MAEL: variants seen among roughly 807,000 people sequenced by gnomAD.
MAEL encodes the protein maelstrom spermatogenic transposon silencer.
In MAEL, 46 loss-of-function variants were observed where a neutral mutation model predicts 62.0. The observed-to-expected ratio is 0.74, with a 90% CI of 0.59 to 0.95. The LOEUF is 0.95. MAEL is among the 40% of genes least tolerant of loss of function. The probability of loss-of-function intolerance (pLI) is 0.00; values close to 1 mark genes in which losing one functional copy is unlikely to be tolerated. For missense variants in MAEL, 497 were observed against 526.8 expected, an observed-to-expected ratio of 0.94 and a Z score of 0.55; for synonymous variants, 172 against 175.5, an observed-to-expected ratio of 0.98 and a Z score of 0.16.
chr1:167,011,664 T>C lies in MAEL; in HGVS notation c.846-4558T>C, dbSNP rs76613135. On this transcript the variant is annotated intron_variant, in intron 8 of 11. Transcript: ENST00000367872. The stretch of plus-strand genomic sequence containing the variant: ...GAAAGTTTTCAGGGACAAACTAATA[T>C]GTCCTCAAATAATCTTTAAATGGTT... 4.2e-3 allele frequency among the ~76,000 whole-genome samples: 637 copies of C among 152,292 alleles called. 7 individuals are homozygous for C. The highest frequency in any genetic ancestry group is 0.015 in the African/African-American group (614 of 41,566).
chr1:167,000,698 T>A (rs1026891581), intron 5 of MAEL, among the ~76,000 whole-genome samples: 3 of 152,212 alleles, frequency 2.0e-5, no homozygotes, highest in Admixed American at 2.0e-4. Context: ...AACTTCATTG[T>A]TTGATTTTAA....
At chr1:166,994,666 ATT>A (rs35009494) in intron 5 of MAEL, among the ~76,000 whole-genome samples, 4 of 119,600 alleles carry the variant, frequency 3.3e-5, no homozygotes, top group Admixed American at 8.6e-5. Flanking sequence ...CTGTAAGGTA[ATT>A]TTTTTTTTTT....
At chr1:166,977,173 C>G (rs912545424) in intron 1 of MAEL, among the ~76,000 whole-genome samples, 13 of 152,226 alleles carry the variant, frequency 8.5e-5, no homozygotes, top group Non-Finnish European at 1.6e-4. Flanking sequence ...AGCCTCTCTT[C>G]TACACTTGGC....
chr1:167,021,169 C>T lies in MAEL; in HGVS notation c.1117+9C>T, dbSNP rs202019019. 8.6e-5 allele frequency: 137 copies of T among 1,601,170 alleles called. No homozygotes were observed. In the African/African-American group the frequency reaches 1.5e-3, roughly 17 times the overall value. ...ATCAAACACACCCATTGGTAAGCAA[C>T]TTATATTTTACAAAAATGCACCTAA... On this transcript the variant is annotated intron_variant, in intron 11 of 11. Transcript: ENST00000367872.
intron 6 of MAEL, 136 bp from the exon 7 acceptor site, chr1:167,004,940 A>T (rs186840934): frequency 1.4e-6 from 1 of 694,184 alleles, no homozygotes; most frequent in East Asian, 2.7e-5. Context: ...TCATTGGCAC[A>T]AACTCCTCAG....
At chr1:166,991,893 G>A (rs115651096) in intron 3 of MAEL, among the ~76,000 whole-genome samples, 2,647 of 152,246 alleles carry the variant, frequency 0.017, 77 homozygotes, top group African/African-American at 0.06. Flanking sequence ...CAAAAAGTGA[G>A]GTGATGGATA....
At chr1:167,004,088 C>A in intron 5 of MAEL, 92 bp from the exon 6 acceptor site, 2 of 1,091,358 alleles carry the variant, frequency 1.8e-6, no homozygotes, top group Non-Finnish European at 2.7e-6. Context: ...TGTGTGTTAC[C>A]CACTACTCTC....
intron 8 of MAEL, among the ~76,000 whole-genome samples, chr1:167,012,732 G>A (rs911047944): frequency 1.3e-5 from 2 of 152,192 alleles, no homozygotes; most frequent in African/African-American, 4.8e-5. Flanking sequence ...CGAAGTGGGA[G>A]AAAGATGCAG....
chr1:166,998,570 T>TA (rs1664526160), intron 5 of MAEL, among the ~76,000 whole-genome samples: 2 of 152,232 alleles, frequency 1.3e-5, no homozygotes, highest in African/African-American at 4.8e-5. Flanking sequence ...TGCTGACCAG[T>TA]ACCTCTAGTT....
chr1:166,976,200 C>T (rs755827828), intron 1 of MAEL, among the ~76,000 whole-genome samples: 4 of 152,208 alleles, frequency 2.6e-5, no homozygotes, highest in Non-Finnish European at 4.4e-5. Context: ...CCATCCAACA[C>T]TTTATAGATT....
chr1:166,987,444 C>T (rs1435331832), upstream of MAEL, among the ~76,000 whole-genome samples: 1 of 152,086 alleles, frequency 6.6e-6, no homozygotes, highest in Non-Finnish European at 1.5e-5. Flanking sequence ...TTGGGTTGTC[C>T]AGCTTGGAGC....
At chr1:166,995,682 A>AT (rs796921725) in intron 5 of MAEL, among the ~76,000 whole-genome samples, 45 of 151,684 alleles carry the variant, frequency 3.0e-4, no homozygotes, top group South Asian at 1.0e-3. Context: ...CAGTTAAAAA[A>AT]AAAAAATAAA....
intron 8 of MAEL, among the ~76,000 whole-genome samples, chr1:167,015,134 T>C (rs1665332504): frequency 1.3e-5 from 2 of 152,150 alleles, no homozygotes; most frequent in Non-Finnish European, 2.9e-5. Flanking sequence ...TCTAACAGGA[T>C]ACAGAAGAGT....
At chr1:166,996,705 T>C (rs1238717625) in intron 5 of MAEL, among the ~76,000 whole-genome samples, 1 of 152,240 alleles carries the variant, frequency 6.6e-6, no homozygotes, top group Non-Finnish European at 1.5e-5. Flanking sequence ...ATTTCTTTTC[T>C]GAATAGTTTT....
At chr1:166,986,314 A>G (rs1663911194), upstream of MAEL, among the ~76,000 whole-genome samples, 1 of 152,226 alleles carries the variant, frequency 6.6e-6, no homozygotes, top group African/African-American at 2.4e-5. Flanking sequence ...TACACTTTAG[A>G]TATATTGTGT....
rs1246851130 is a variant in MAEL, at chr1:167,021,684, G to A, written c.1134G>A (p.Arg378=). The A allele has an allele frequency of 1.2e-6, 2 of 1,605,676 alleles. No homozygotes were observed. The highest frequency in any genetic ancestry group is 2.2e-5 in the South Asian group (2 of 89,040). Residue 378 remains arginine (R), a synonymous_variant, in exon 12 of 12, where the codon AGG becomes AGA. Coordinates refer to ENST00000367872, the MANE Select transcript of MAEL (RefSeq NM_032858.3). ...SNTPIGDYPS[R]AKISGQNSSV... ...ATATCCTAGGTGACTACCCATCTAG[G>A]GCAAAAATTTCTGGCCAAAACAGCA...
intron 8 of MAEL, among the ~76,000 whole-genome samples, chr1:167,007,520 T>A (rs1664968690): frequency 6.6e-6 from 1 of 151,986 alleles, no homozygotes; most frequent in Admixed American, 6.6e-5. Context: ...TATCATTGAT[T>A]CTAGATCCCC....
At chr1:166,975,814 C>G (rs1663558869) in intron 1 of MAEL, 1 of 152,088 alleles carries the variant, frequency 6.6e-6, no homozygotes, top group Middle Eastern at 3.2e-3. Context: ...CTCGGGAACC[C>G]GGGCGAGAAC....
At chr1:166,987,959 TTA>T (rs1391560615), upstream of MAEL, among the ~76,000 whole-genome samples, 22 of 152,310 alleles carry the variant, frequency 1.4e-4, no homozygotes, top group African/African-American at 5.3e-4. Flanking sequence ...AAATTCTATA[TTA>T]TGTTTTTTAA....
Sources: allele counts gnomAD v4.1 joint callset (sites outside exome capture counted in the v4.1 genomes callset), GRCh38; gene constraint gnomAD v4.1.1; transcripts MANE v1.5; gene names NCBI Gene and HGNC (gene_info 2026-07-23, HGNC 2026-07-21).